The following CHN2 variants were observed in gnomAD, a reference collection of about 807,000 sequenced individuals.
CHN2 encodes the protein beta-chimaerin.
CHN2 carries 35 observed loss-of-function variants against 56.3 expected under a neutral mutation model. That is an observed-to-expected ratio of 0.62 (90% confidence interval 0.47 to 0.82). CHN2 has a LOEUF of 0.82. Among genes scored for constraint, CHN2 ranks in the 40% least tolerant of loss-of-function variants. The pLI is 0.00. For synonymous variants in CHN2, 210 were observed against 212.8 expected, an observed-to-expected ratio of 0.99 and a Z score of 0.12; for missense variants, 491 against 580.5, an observed-to-expected ratio of 0.85 and a Z score of 1.58.
chr7:29,452,014 C>T (rs1473741001), intron 6 of CHN2, among the ~76,000 whole-genome samples: 7 of 152,358 alleles, frequency 4.6e-5, no homozygotes, highest in African/African-American at 1.7e-4. Flanking sequence ...CCTTAGGGTC[C>T]TGGGCAGGTT....
At chr7:29,348,380 CT>C (rs1281281950) in intron 1 of CHN2, among the ~76,000 whole-genome samples, 1 of 152,088 alleles carries the variant, frequency 6.6e-6, no homozygotes, top group African/African-American at 2.4e-5. Flanking sequence ...CTTTTCTTTC[CT>C]CTTCTTTTCT....
intron 1 of CHN2, among the ~76,000 whole-genome samples, chr7:29,243,949 A>C (rs1787878404): frequency 6.6e-6 from 1 of 152,238 alleles, no homozygotes; most frequent in African/African-American, 2.4e-5. Flanking sequence ...CTTTTTAAAA[A>C]GAAGTTGCCC....
In CHN2 at chr7:29,325,328, A is replaced by T. The variant is rs367924227; in HGVS notation, c.50-29297A>T. 2.6e-4 allele frequency among the ~76,000 whole-genome samples: 40 copies of T among 152,302 alleles called. 1 individual carries two copies. In the South Asian group the frequency reaches 8.1e-3, roughly 31 times the overall value. On this transcript the variant is annotated intron_variant, in intron 1 of 12. Transcript: ENST00000222792. ...GAGATTTGAATTCATTTGGAGCAGT[A>T]GATGTTTTCGTCCTACCCATTCATC...
At chr7:29,402,528 A>G (rs1562579153) in intron 6 of CHN2, among the ~76,000 whole-genome samples, 1 of 152,238 alleles carries the variant, frequency 6.6e-6, no homozygotes. Flanking sequence ...TAGAATAGAA[A>G]ATATGAAAGC....
At chr7:29,279,927 A>G (rs1035427965) in intron 1 of CHN2, among the ~76,000 whole-genome samples, 7 of 152,296 alleles carry the variant, frequency 4.6e-5, no homozygotes, top group African/African-American at 9.6e-5. Context: ...GGGTAAGAAA[A>G]GAAGCAGGGG....
intron 1 of CHN2, among the ~76,000 whole-genome samples, chr7:29,350,108 T>C (rs1004418134): frequency 1.3e-5 from 2 of 152,216 alleles, no homozygotes; most frequent in African/African-American, 4.8e-5. Flanking sequence ...TTGATTTCAA[T>C]ATATGTAAAT....
intron 2 of CHN2, among the ~76,000 whole-genome samples, chr7:29,356,089 G>A (rs1190460400): frequency 6.6e-6 from 1 of 151,954 alleles, no homozygotes; most frequent in Non-Finnish European, 1.5e-5. Flanking sequence ...GGCCTATGTA[G>A]ACTGTTATTA....
intron 2 of CHN2, among the ~76,000 whole-genome samples, chr7:29,187,464 C>T (rs1798855976): frequency 6.6e-6 from 1 of 152,120 alleles, no homozygotes; most frequent in African/African-American, 2.4e-5. Flanking sequence ...TGGCTCACGC[C>T]TGTAATCCCA....
chr7:29,409,060 A>G (rs1352241963), intron 6 of CHN2, among the ~76,000 whole-genome samples: 1 of 152,240 alleles, frequency 6.6e-6, no homozygotes. Flanking sequence ...GAGTCATCCC[A>G]CTTTCCTCAA....
intron 1 of CHN2, among the ~76,000 whole-genome samples, chr7:29,235,064 T>TG (rs1787083790): frequency 6.6e-6 from 1 of 152,166 alleles, no homozygotes; most frequent in Non-Finnish European, 1.5e-5. Flanking sequence ...ATAGAGAAAC[T>TG]GGATGTAGTT....
chr7:29,501,429 G>A (rs1789956846), intron 9 of CHN2, among the ~76,000 whole-genome samples: 1 of 152,136 alleles, frequency 6.6e-6, no homozygotes, highest in African/African-American at 2.4e-5. Context: ...CTGCAGTTTG[G>A]GGTCAGATTA....
chr7:29,497,324 A>G (rs1275194179), intron 8 of CHN2, among the ~76,000 whole-genome samples: 1 of 152,196 alleles, frequency 6.6e-6, no homozygotes, highest in Non-Finnish European at 1.5e-5. Context: ...TCCCTATTGT[A>G]CCTATCAAAA....
chr7:29,512,826 TC>T lies in CHN2; in HGVS notation c.*93del. ...ACATTTCTTACCACTTGATTTGTTT[TC>T]CAAGCAAGTGCTAGAATTTCCTGGA... is the stretch of plus-strand genomic sequence containing the variant. On this transcript the variant is annotated 3_prime_UTR_variant, in exon 13 of 13. Transcript: ENST00000222792. 7.1e-7 allele frequency: 1 copy of T among 1,411,440 alleles called. No individual in the cohort carries two copies. Among genetic ancestry groups the T allele is most frequent in the Non-Finnish European group, 9.6e-7 (1 of 1,044,030 alleles). 87.4% of individuals were successfully genotyped at this position (1,411,440 alleles called of 1,614,324 possible).
intron 1 of CHN2, among the ~76,000 whole-genome samples, chr7:29,283,076 C>A (rs1195213112): frequency 6.6e-6 from 1 of 152,088 alleles, no homozygotes; most frequent in Non-Finnish European, 1.5e-5. Flanking sequence ...GTTATCTGAC[C>A]CCCTCGTGCT....
chr7:29,505,749 T>C (rs970097741), intron 10 of CHN2, among the ~76,000 whole-genome samples: 4 of 152,330 alleles, frequency 2.6e-5, no homozygotes, highest in African/African-American at 2.4e-5. Context: ...TTCTTCAGCA[T>C]AGCAATCTTC....
chr7:29,505,809 G>T (rs1790501370), intron 10 of CHN2, among the ~76,000 whole-genome samples: 1 of 152,180 alleles, frequency 6.6e-6, no homozygotes, highest in Non-Finnish European at 1.5e-5. Context: ...AGTCTAACTA[G>T]AACTGTTGGT....
Position 29,339,351 on chromosome 7 carries a change from G to A in CHN2, c.50-15274G>A, listed in dbSNP as rs1316577824. 2.6e-5 allele frequency among the ~76,000 whole-genome samples: 4 copies of A among 151,948 alleles called. No homozygotes were observed. The East Asian group carries it at 7.7e-4, about 29-fold the overall frequency. ...GCCACCCAGATCTCCTCTGCAGACA[G>A]ACACAACCTCAGCCCTTAGCAGTCT... On this transcript the variant is annotated intron_variant, in intron 1 of 12. Coordinates refer to ENST00000222792, the MANE Select transcript of CHN2 (RefSeq NM_004067.4).
At position 29,480,317 on chromosome 7, in the gene CHN2, C is replaced by T. The variant is rs758075685; in HGVS notation, c.615C>T (p.Asn205=). The T allele has an allele frequency of 8.1e-6, 13 of 1,614,054 alleles. No homozygotes were observed. The African/African-American group carries it at 1.1e-4, about 13-fold the overall frequency. The change falls in exon 7 of 13, where the codon AAC becomes AAT. Residue 205 remains asparagine, a synonymous_variant. Transcript: ENST00000222792. ...TTCGAAGGGCTGCCCTCACACACAA[C>T]GACAACCACTTCAATTATGAGAAGA... ...SLVRRAALTH[N]DNHFNYEKTH...
intron 3 of CHN2, among the ~76,000 whole-genome samples, chr7:29,382,170 G>A (rs12673506): frequency 0.18 from 27,808 of 152,146 alleles, 3,162 homozygotes; most frequent in East Asian, 0.45. Context: ...AATGATTATT[G>A]TTGTTATTAG....
Sources: allele counts gnomAD v4.1 joint callset (sites outside exome capture counted in the v4.1 genomes callset), GRCh38; gene constraint gnomAD v4.1.1; transcripts MANE v1.5; gene names NCBI Gene and HGNC (gene_info 2026-07-23, HGNC 2026-07-21).